CSGALNACT1: variants seen among roughly 807,000 people sequenced by gnomAD.
CSGALNACT1 encodes beta4GalNAcT-1.
A neutral mutation model predicts 51.0 loss-of-function variants in CSGALNACT1; 52 were observed. That is an observed-to-expected ratio of 1.02 (90% CI 0.82 to 1.29). The LOEUF (loss-of-function observed/expected upper bound fraction) is 1.29, where lower values mean the gene tolerates loss of function less well. Ranked by LOEUF, CSGALNACT1 falls within the 50% of genes most tolerant of loss-of-function variation. The pLI is 0.00. For synonymous variants in CSGALNACT1, 341 were observed against 254.4 expected, an observed-to-expected ratio of 1.34 and a Z score of -3.24; for missense variants, 935 against 679.2, an observed-to-expected ratio of 1.38 and a Z score of -4.19.
intron 1 of CSGALNACT1, among the ~76,000 whole-genome samples, chr8:19,710,184 T>C (rs1005908718): frequency 7.9e-5 from 12 of 152,338 alleles, no homozygotes; most frequent in Middle Eastern, 3.4e-3. Flanking sequence ...CAAAAAGCCA[T>C]AAATTAATTA....
intron 1 of CSGALNACT1, among the ~76,000 whole-genome samples, chr8:19,651,011 G>A (rs1478220511): frequency 6.6e-6 from 1 of 152,156 alleles, no homozygotes; most frequent in Non-Finnish European, 1.5e-5. Flanking sequence ...TGGGCTCAGA[G>A]ATTAGCATGG....
chr8:19,744,395 T>C (rs911333856), intron 1 of CSGALNACT1, among the ~76,000 whole-genome samples: 4 of 152,210 alleles, frequency 2.6e-5, no homozygotes, highest in Non-Finnish European at 4.4e-5. Context: ...AAAAACCATA[T>C]TTTCTTAACC....
intron 1 of CSGALNACT1, among the ~76,000 whole-genome samples, chr8:19,703,457 C>A (rs2061989013): frequency 6.6e-6 from 1 of 152,154 alleles, no homozygotes; most frequent in South Asian, 2.1e-4. Flanking sequence ...GCACCTGCCA[C>A]CAAGCCCGGC....
intron 1 of CSGALNACT1, among the ~76,000 whole-genome samples, chr8:19,617,872 A>G (rs2053250760): frequency 6.6e-6 from 1 of 152,132 alleles, no homozygotes; most frequent in Non-Finnish European, 1.5e-5. Flanking sequence ...AAGTCATTAT[A>G]TTCCTATATG....
intron 9 of CSGALNACT1, among the ~76,000 whole-genome samples, chr8:19,407,841 G>A (rs968690672): frequency 1.3e-5 from 2 of 151,876 alleles, no homozygotes; most frequent in African/African-American, 4.8e-5. Context: ...TATATGAATT[G>A]TGTGCGCATG....
chr8:19,497,298 G>A (rs4513991), intron 4 of CSGALNACT1, among the ~76,000 whole-genome samples: 121,342 of 152,068 alleles, frequency 0.8, 48,552 homozygotes, highest in East Asian at 0.85. Flanking sequence ...ATACAGAGCA[G>A]TGAGTAGACC....
At chr8:19,749,310 A>G (rs1294030997) in intron 1 of CSGALNACT1, among the ~76,000 whole-genome samples, 1 of 151,696 alleles carries the variant, frequency 6.6e-6, no homozygotes, top group Non-Finnish European at 1.5e-5. Context: ...AACTTGCTTG[A>G]AACAAACTCT....
At chr8:19,548,070 G>C in intron 3 of CSGALNACT1, among the ~76,000 whole-genome samples, 1 of 152,206 alleles carries the variant, frequency 6.6e-6, no homozygotes, top group South Asian at 2.1e-4. Flanking sequence ...TCCAAAGCTG[G>C]AAGTAGACTA....
chr8:19,526,470 C>T (rs1018745332), intron 3 of CSGALNACT1, among the ~76,000 whole-genome samples: 1 of 152,148 alleles, frequency 6.6e-6, no homozygotes, highest in African/African-American at 2.4e-5. Context: ...GTAGTGCCAG[C>T]TACTCGGGAG....
At chr8:19,637,458 T>C (rs542999649) in intron 1 of CSGALNACT1, among the ~76,000 whole-genome samples, 1 of 152,358 alleles carries the variant, frequency 6.6e-6, no homozygotes, top group East Asian at 1.9e-4. Context: ...GATAATGTCA[T>C]AAGCCTAATT....
intron 1 of CSGALNACT1, among the ~76,000 whole-genome samples, chr8:19,675,808 C>T (rs1333922084): frequency 6.6e-6 from 1 of 152,020 alleles, no homozygotes; most frequent in Non-Finnish European, 1.5e-5. Context: ...ATATATGAAC[C>T]TCCACCCCAC....
intron 5 of CSGALNACT1, among the ~76,000 whole-genome samples, chr8:19,444,105 C>G (rs746098436): frequency 5.3e-5 from 8 of 152,316 alleles, no homozygotes; most frequent in Non-Finnish European, 5.9e-5. Context: ...GCTGTGTGGC[C>G]TAGTTCCTAA....
intron 3 of CSGALNACT1, among the ~76,000 whole-genome samples, chr8:19,559,654 A>G (rs977437544): frequency 6.6e-6 from 1 of 152,208 alleles, no homozygotes; most frequent in Non-Finnish European, 1.5e-5. Flanking sequence ...TTCTATGTAT[A>G]TAAAAGCAAA....
At chr8:19,474,752 C>T (rs1486598431) in intron 4 of CSGALNACT1, among the ~76,000 whole-genome samples, 6 of 151,686 alleles carry the variant, frequency 4.0e-5, no homozygotes, top group Admixed American at 3.9e-4. Flanking sequence ...CCTGTAATCC[C>T]AGCTACTCAG....
chr8:19,441,935 A>C (rs2061388082), intron 5 of CSGALNACT1, among the ~76,000 whole-genome samples: 1 of 152,270 alleles, frequency 6.6e-6, no homozygotes, highest in Non-Finnish European at 1.5e-5. Context: ...TCTCAAAAGA[A>C]GACATTTATG....
intron 5 of CSGALNACT1, among the ~76,000 whole-genome samples, chr8:19,452,450 G>A (rs767279640): frequency 6.7e-6 from 1 of 149,430 alleles, no homozygotes; most frequent in Non-Finnish European, 1.5e-5. Context: ...GGGGAGATTT[G>A]ACATAAGCAA....
intron 1 of CSGALNACT1, among the ~76,000 whole-genome samples, chr8:19,750,214 T>C (rs1211371701): frequency 6.6e-6 from 1 of 152,180 alleles, no homozygotes; most frequent in Non-Finnish European, 1.5e-5. Context: ...GTACCTCTCT[T>C]GGGCTCCAAG....
chr8:19,470,656 C>T (rs561153349), intron 4 of CSGALNACT1, among the ~76,000 whole-genome samples: 117 of 152,130 alleles, frequency 7.7e-4, no homozygotes, highest in African/African-American at 2.6e-3. Flanking sequence ...GGGGATGATT[C>T]GGCAATCATC....
chr8:19,738,620 A>C (rs1389880296), intron 1 of CSGALNACT1, among the ~76,000 whole-genome samples: 4 of 152,222 alleles, frequency 2.6e-5, no homozygotes, highest in Non-Finnish European at 1.5e-5. Context: ...AAAATGGTAA[A>C]AATAATGAAT....
Sources: gnomAD v4.1 joint callset for allele counts (sites outside exome capture counted in the v4.1 genomes callset) on GRCh38, gnomAD v4.1.1 for gene constraint, MANE v1.5 for transcripts, NCBI Gene and HGNC (gene_info 2026-07-23, HGNC 2026-07-21) for gene names.